Variants in LRMDA observed in about 807,000 individuals in gnomAD.
LRMDA encodes the protein leucine-rich melanocyte differentiation-associated protein.
LRMDA carries 18 observed loss-of-function variants against 29.8 expected under a neutral mutation model. That is an observed-to-expected ratio of 0.60 (90% CI 0.42 to 0.90). The LOEUF is 0.90. LRMDA is among the 40% of genes least tolerant of loss of function. The probability of loss-of-function intolerance (pLI) is 0.00; values close to 1 mark genes in which losing one functional copy is unlikely to be tolerated. For synonymous variants in LRMDA, 125 were observed against 109.4 expected, an observed-to-expected ratio of 1.14 and a Z score of -0.89; for missense variants, 273 against 273.9, an observed-to-expected ratio of 1.00 and a Z score of 0.02.
intron 2 of LRMDA, among the ~76,000 whole-genome samples, chr10:75,875,603 T>C (rs1845183919): frequency 6.6e-6 from 1 of 152,158 alleles, no homozygotes; most frequent in Middle Eastern, 3.2e-3. Flanking sequence ...CAGCTAATTT[T>C]TTGCATTTAG....
At chr10:75,786,649 TTTC>T (rs1332042191) in intron 2 of LRMDA, among the ~76,000 whole-genome samples, 4 of 152,202 alleles carry the variant, frequency 2.6e-5, no homozygotes, top group African/African-American at 9.7e-5. Context: ...CTGTGCAGTT[TTTC>T]TTCTTTCCAG....
At chr10:76,251,226 C>CTTTTTTTTTTT (rs558637864) in intron 5 of LRMDA, among the ~76,000 whole-genome samples, 1 of 70,264 alleles carries the variant, frequency 1.4e-5, no homozygotes, top group Non-Finnish European at 2.8e-5. Context: ...CCCGTCGCTT[C>CTTTTTTTTTTT]TTTTTTTTTT....
chr10:76,185,079 A>G (rs927847198), intron 5 of LRMDA, among the ~76,000 whole-genome samples: 2 of 152,174 alleles, frequency 1.3e-5, no homozygotes, highest in African/African-American at 2.4e-5. Context: ...TTGGCTTTGT[A>G]TATCTCATGT....
chr10:76,231,320 G>A (rs915435503), intron 5 of LRMDA, among the ~76,000 whole-genome samples: 7 of 152,220 alleles, frequency 4.6e-5, no homozygotes, highest in Middle Eastern at 3.4e-3. Context: ...CATTGATTTC[G>A]GTGTTTTAAT....
intron 5 of LRMDA, among the ~76,000 whole-genome samples, chr10:76,266,644 A>T (rs1393230765): frequency 6.6e-6 from 1 of 152,208 alleles, no homozygotes; most frequent in Non-Finnish European, 1.5e-5. Flanking sequence ...AGGTCTGTCT[A>T]CTAAATTCCA....
At chr10:76,352,149 GGTA>G (rs1841184815) in intron 6 of LRMDA, among the ~76,000 whole-genome samples, 1 of 152,142 alleles carries the variant, frequency 6.6e-6, no homozygotes, top group Admixed American at 6.5e-5. Flanking sequence ...AGTGCTGAAT[GGTA>G]GTCCCCTTAC....
At chr10:75,592,408 A>G (rs959400671) in intron 2 of LRMDA, among the ~76,000 whole-genome samples, 3 of 152,226 alleles carry the variant, frequency 2.0e-5, no homozygotes, top group African/African-American at 7.2e-5. Context: ...AAGTTGTAAT[A>G]AAGTCTTCAC....
intron 5 of LRMDA, among the ~76,000 whole-genome samples, chr10:76,315,157 A>G (rs957674519): frequency 6.6e-6 from 1 of 152,232 alleles, no homozygotes; most frequent in African/African-American, 2.4e-5. Context: ...CTAAATCTCA[A>G]CTGCCTTACC....
chr10:76,470,791 A>G (rs1842609963), intron 6 of LRMDA, among the ~76,000 whole-genome samples: 1 of 151,848 alleles, frequency 6.6e-6, no homozygotes, highest in African/African-American at 2.4e-5. Context: ...GTAGGCAGTT[A>G]TAGTTTAATA....
Position 75,517,173 on chromosome 10 carries a change from G to T in LRMDA, c.131+78679G>T, listed in dbSNP as rs554205726. 1.1e-3 allele frequency among the ~76,000 whole-genome samples: 174 copies of T among 152,112 alleles called. 2 individuals carry two copies. Among genetic ancestry groups the T allele is most frequent in the African/African-American group, 4.1e-3 (168 of 41,450 alleles). On this transcript the variant is annotated intron_variant, in intron 2 of 6. Coordinates refer to ENST00000611255, the MANE Select transcript of LRMDA (RefSeq NM_001305581.2). Reference sequence around the variant, plus strand: ...TGTTCTTTTTGCTTAGGATTGTCTTGGCAATGCGGGCTCTTTTTTGGTTCC... The same window carrying T: ...TGTTCTTTTTGCTTAGGATTGTCTTTGCAATGCGGGCTCTTTTTTGGTTCC...
At chr10:76,467,671 G>A (rs556701971) in intron 6 of LRMDA, among the ~76,000 whole-genome samples, 42 of 152,214 alleles carry the variant, frequency 2.8e-4, no homozygotes, top group Admixed American at 2.1e-3. Context: ...ATTTTGGCCT[G>A]TGACAATTTT....
At chr10:76,271,423 TC>T (rs1224220242) in intron 5 of LRMDA, among the ~76,000 whole-genome samples, 2 of 151,742 alleles carry the variant, frequency 1.3e-5, no homozygotes, top group African/African-American at 4.8e-5. Flanking sequence ...AAAAAAAAAT[TC>T]CTACCTTATA....
At chr10:75,995,095 A>G (rs530336835) in intron 2 of LRMDA, among the ~76,000 whole-genome samples, 12 of 152,304 alleles carry the variant, frequency 7.9e-5, no homozygotes, top group African/African-American at 2.9e-4. Flanking sequence ...AGAATGTTGT[A>G]TCCCATTCTC....
intron 6 of LRMDA, among the ~76,000 whole-genome samples, chr10:76,371,133 C>A (rs1005477758): frequency 5.3e-5 from 8 of 152,188 alleles, no homozygotes; most frequent in Admixed American, 3.9e-4. Context: ...ATTGCCTGAG[C>A]TTTCAGACAT....
chr10:75,473,930 T>A (rs919146303), intron 2 of LRMDA, among the ~76,000 whole-genome samples: 2 of 152,162 alleles, frequency 1.3e-5, no homozygotes, highest in Non-Finnish European at 2.9e-5. Context: ...TTAGGCTCTA[T>A]CCTATTGAGT....
At chr10:75,807,797 C>T (rs1031268645) in intron 2 of LRMDA, among the ~76,000 whole-genome samples, 13 of 152,246 alleles carry the variant, frequency 8.5e-5, no homozygotes, top group African/African-American at 3.1e-4. Flanking sequence ...TATGTTGATT[C>T]TAAATAGGGA....
In LRMDA at chr10:76,497,053, A is replaced by C. The variant is rs559403546; in HGVS notation, c.602-60156A>C. Among the ~76,000 whole-genome samples, 129 of 75,732 alleles carry C rather than the reference A, an allele frequency of 1.7e-3. 38 individuals carry two copies. The highest frequency in any genetic ancestry group is 4.0e-3 in the African/African-American group (126 of 31,114). The allele number at this position is 75,732 out of a possible 152,430, so 49.7% of individuals were successfully genotyped here. On this transcript the variant is annotated intron_variant, in intron 6 of 6. Coordinates refer to ENST00000611255, the MANE Select transcript of LRMDA (RefSeq NM_001305581.2). ...CATTATGGTCACTTTTGTGGATTAT[A>C]ATAGGGAAAATGATGATTCGAAGGA... is the stretch of plus-strand genomic sequence containing the variant.
intron 2 of LRMDA, among the ~76,000 whole-genome samples, chr10:75,848,135 A>G (rs1844672122): frequency 6.6e-6 from 1 of 152,228 alleles, no homozygotes; most frequent in South Asian, 2.1e-4. Context: ...AGCATTATTA[A>G]CAATAGTCAG....
At chr10:75,837,608 T>A (rs992119879) in intron 2 of LRMDA, among the ~76,000 whole-genome samples, 2 of 152,172 alleles carry the variant, frequency 1.3e-5, no homozygotes. Flanking sequence ...CAAAAGAGTA[T>A]AATTGTATTG....
Sources: gnomAD v4.1 joint callset for allele counts (sites outside exome capture counted in the v4.1 genomes callset) on GRCh38, gnomAD v4.1.1 for gene constraint, MANE v1.5 for transcripts, NCBI Gene and HGNC (gene_info 2026-07-23, HGNC 2026-07-21) for gene names.